Variants in SLC30A8 observed in about 807,000 individuals in gnomAD.
SLC30A8 encodes the protein solute carrier family 30 member 8.
In SLC30A8, 27 loss-of-function variants were observed where a neutral mutation model predicts 36.9. The observed-to-expected ratio is 0.73, with a 90% CI of 0.54 to 1.01. The LOEUF is 1.01. SLC30A8 is among the 50% of genes least tolerant of loss of function. The pLI is 0.00. For synonymous variants in SLC30A8, 164 were observed against 172.4 expected, an observed-to-expected ratio of 0.95 and a Z score of 0.38; for missense variants, 439 against 452.0, an observed-to-expected ratio of 0.97 and a Z score of 0.26.
At chr8:116,954,538 C>T (rs1814122037) in intron 1 of SLC30A8, among the ~76,000 whole-genome samples, 1 of 152,016 alleles carries the variant, frequency 6.6e-6, no homozygotes, top group Non-Finnish European at 1.5e-5. Context: ...GTATGATAGA[C>T]TAAAAATATC....
intron 1 of SLC30A8, among the ~76,000 whole-genome samples, chr8:117,136,513 G>A (rs548412947): frequency 1.0e-3 from 154 of 152,038 alleles, no homozygotes; most frequent in Non-Finnish European, 1.9e-3. Context: ...ATGTTTGGGA[G>A]CATCAAATAT....
At chr8:117,163,820 A>G (rs1822916892) in intron 6 of SLC30A8, 1 of 199,582 alleles carries the variant, frequency 5.0e-6, no homozygotes, top group African/African-American at 2.3e-5. Context: ...ATACCTGGAA[A>G]AGACCTAAGA....
chr8:117,158,945 A>T (rs1170848953), intron 4 of SLC30A8, among the ~76,000 whole-genome samples: 1 of 152,238 alleles, frequency 6.6e-6, no homozygotes, highest in Non-Finnish European at 1.5e-5. Context: ...AAGATGGGAA[A>T]TTATCCTTGA....
chr8:116,970,419 G>T (rs1468743599), intron 1 of SLC30A8, among the ~76,000 whole-genome samples: 2 of 152,020 alleles, frequency 1.3e-5, no homozygotes, highest in Non-Finnish European at 2.9e-5. Context: ...ATAAAAGTAT[G>T]GTATAGTAAG....
chr8:116,981,143 C>T (rs1815239224), intron 1 of SLC30A8, among the ~76,000 whole-genome samples: 1 of 152,226 alleles, frequency 6.6e-6, no homozygotes. Context: ...AATAATTTCA[C>T]TTCCATGTGT....
rs183370023 is a variant in SLC30A8, at chr8:117,022,166, G to C, written c.-265-17053G>C. The stretch of plus-strand genomic sequence containing the variant: ...AGTGAGCCGAGATAGCGCCACTGCT[G>C]TCCGGCCTGGGCAAAAGAGCAAGAC... On this transcript the variant is annotated intron_variant, in intron 1 of 10. Transcript: ENST00000427715. Among the ~76,000 whole-genome samples, 66 of 150,410 alleles carry C rather than the reference G, an allele frequency of 4.4e-4. No individual in the cohort carries two copies. In the East Asian group the frequency reaches 9.8e-3, roughly 22 times the overall value.
intron 1 of SLC30A8, among the ~76,000 whole-genome samples, chr8:116,994,668 G>A (rs1046296024): frequency 2.0e-5 from 3 of 152,058 alleles, no homozygotes; most frequent in East Asian, 1.9e-4. Context: ...TATACTATAC[G>A]TTGATTCAGG....
Position 117,097,447 on chromosome 8 carries a change from T to C in SLC30A8, c.-225-37833T>C, listed in dbSNP as rs1487869190. ...TATATAAATATATATAATTATATATTATATATAATATGTATTTATTTTAAA... is the reference window on the plus strand; with the variant it reads ...TATATAAATATATATAATTATATATCATATATAATATGTATTTATTTTAAA... On this transcript the variant is annotated intron_variant, in intron 2 of 10. Transcript: ENST00000427715. Among the ~76,000 whole-genome samples, 11 of 117,822 alleles carry C rather than the reference T, an allele frequency of 9.3e-5. 1 individual carries two copies. The South Asian group carries it at 2.6e-3, about 28-fold the overall frequency. The allele number at this position is 117,822 out of a possible 152,430, so 77.3% of individuals were successfully genotyped here.
In SLC30A8 at chr8:117,172,695, T is replaced by A. The variant is rs1823449157; in HGVS notation, c.*14T>A. On this transcript the variant is annotated 3_prime_UTR_variant, in exon 8 of 8. Coordinates refer to ENST00000456015, the MANE Select transcript of SLC30A8 (RefSeq NM_173851.3). ...CCCTGTGACTAGCTCAGTCACACCG[T>A]CAGTTTCCCAAATTTGACAGGCCAC... The A allele has an allele frequency of 6.2e-7, 1 of 1,612,536 alleles. No homozygotes were observed. Among genetic ancestry groups the A allele is most frequent in the South Asian group, 1.1e-5 (1 of 91,038 alleles).
At chr8:117,160,142 C>G (rs1459678950) in intron 4 of SLC30A8, among the ~76,000 whole-genome samples, 1 of 152,186 alleles carries the variant, frequency 6.6e-6, no homozygotes, top group Non-Finnish European at 1.5e-5. Flanking sequence ...AGGAATAAAT[C>G]TATTCCCTGG....
At chr8:117,169,552 T>G (rs1823257575) in intron 6 of SLC30A8, among the ~76,000 whole-genome samples, 2 of 152,146 alleles carry the variant, frequency 1.3e-5, no homozygotes. Flanking sequence ...TACCCAGTGT[T>G]ATTAGGCTGT....
chr8:117,089,762 TTC>T (rs910671281), intron 2 of SLC30A8, among the ~76,000 whole-genome samples: 51 of 152,244 alleles, frequency 3.3e-4, no homozygotes, highest in African/African-American at 1.2e-3. Flanking sequence ...CCATTGCCCT[TTC>T]TGTAAAGTCC....
At chr8:117,045,687 C>T (rs952200685) in intron 2 of SLC30A8, among the ~76,000 whole-genome samples, 4 of 152,174 alleles carry the variant, frequency 2.6e-5, no homozygotes, top group African/African-American at 9.7e-5. Flanking sequence ...GGGTAAAAGC[C>T]TGACATATAC....
At chr8:116,970,246 C>T (rs974552451) in intron 1 of SLC30A8, among the ~76,000 whole-genome samples, 9 of 152,168 alleles carry the variant, frequency 5.9e-5, no homozygotes, top group Non-Finnish European at 1.0e-4. Context: ...TCCACTCCCA[C>T]ATCTTGTCCC....
chr8:117,025,657 G>A (rs2130731426), intron 1 of SLC30A8, among the ~76,000 whole-genome samples: 1 of 152,174 alleles, frequency 6.6e-6, no homozygotes, highest in South Asian at 2.1e-4. Flanking sequence ...TTGATCCAGG[G>A]CTGATTGATC....
chr8:116,996,095 A>G (rs1018166900), intron 1 of SLC30A8, among the ~76,000 whole-genome samples: 3 of 152,100 alleles, frequency 2.0e-5, no homozygotes, highest in East Asian at 1.9e-4. Flanking sequence ...TTTACTTCCA[A>G]CTGTCTTGGT....
chr8:117,064,021 G>A (rs887496312), intron 2 of SLC30A8, among the ~76,000 whole-genome samples: 3 of 151,430 alleles, frequency 2.0e-5, no homozygotes, highest in African/African-American at 7.3e-5. Flanking sequence ...TTTTTAGAGG[G>A]AATTTCGCTC....
At chr8:117,120,790 C>A (rs943998351) in intron 2 of SLC30A8, among the ~76,000 whole-genome samples, 2 of 151,488 alleles carry the variant, frequency 1.3e-5, no homozygotes, top group Non-Finnish European at 3.0e-5. Flanking sequence ...ACCTCTGAAC[C>A]CAAATAACCT....
intron 1 of SLC30A8, among the ~76,000 whole-genome samples, chr8:116,995,716 A>G (rs1815791603): frequency 6.6e-6 from 1 of 152,074 alleles, no homozygotes; most frequent in Non-Finnish European, 1.5e-5. Context: ...TAATAAGTGA[A>G]GTATGTGGAG....
Sources: gnomAD v4.1 joint callset for allele counts (sites outside exome capture counted in the v4.1 genomes callset) on GRCh38, gnomAD v4.1.1 for gene constraint, MANE v1.5 for transcripts, NCBI Gene and HGNC (gene_info 2026-07-23, HGNC 2026-07-21) for gene names.